The following CAPN13 variants were observed in gnomAD, a reference collection of about 807,000 sequenced individuals.
The protein encoded by CAPN13 is calpain-13.
In CAPN13, 90 loss-of-function variants were observed where a neutral mutation model predicts 98.4. That is an observed-to-expected ratio of 0.92 (90% CI 0.77 to 1.09). The LOEUF is 1.09. Among genes scored for constraint, CAPN13 ranks in the 50% least tolerant of loss-of-function variants. The probability of loss-of-function intolerance (pLI) is 0.00; values close to 1 mark genes in which losing one functional copy is unlikely to be tolerated. For synonymous variants in CAPN13, 330 were observed against 305.5 expected (o/e 1.08, Z -0.84); for missense variants, 887 against 841.3 (o/e 1.05, Z -0.67).
At chr2:30,777,081 T>C (rs1464964945) in intron 3 of CAPN13, among the ~76,000 whole-genome samples, 1 of 152,208 alleles carries the variant, frequency 6.6e-6, no homozygotes, top group Non-Finnish European at 1.5e-5. Flanking sequence ...CCAAGGCTTC[T>C]CTTTCTGAGG....
At chr2:30,759,933 T>C (rs1048805734) in intron 7 of CAPN13, among the ~76,000 whole-genome samples, 2 of 152,242 alleles carry the variant, frequency 1.3e-5, no homozygotes, top group Non-Finnish European at 2.9e-5. Flanking sequence ...TAAGGCTCTT[T>C]TCTGTTGCTT....
chr2:30,751,763 A>G (rs1672185555), intron 10 of CAPN13, among the ~76,000 whole-genome samples: 1 of 152,242 alleles, frequency 6.6e-6, no homozygotes, highest in Non-Finnish European at 1.5e-5. Context: ...GTCAAGATAG[A>G]GATGAATTGA....
chr2:30,766,920 C>T (rs1673142427), intron 5 of CAPN13, among the ~76,000 whole-genome samples: 1 of 152,248 alleles, frequency 6.6e-6, no homozygotes, highest in Non-Finnish European at 1.5e-5. Flanking sequence ...CATGTGTTCA[C>T]TGGGCTGTTG....
At chr2:30,797,589 CT>C (rs1343741427) in intron 1 of CAPN13, among the ~76,000 whole-genome samples, 2 of 152,152 alleles carry the variant, frequency 1.3e-5, no homozygotes, top group Non-Finnish European at 2.9e-5. Context: ...ATAATAAAAG[CT>C]TGTGTCCATT....
chr2:30,734,355 C>T lies in CAPN13; in HGVS notation c.1798+94G>A, dbSNP rs1409766760. 3.2e-6 allele frequency: 3 copies of T among 930,466 alleles called. 1 individual carries two copies. The highest frequency in any genetic ancestry group is 2.8e-5 in the South Asian group (2 of 72,134). 57.6% of individuals were successfully genotyped at this position (930,466 alleles called of 1,614,324 possible). A position where few individuals can be genotyped will look rare whatever the true frequency, so the allele number is the denominator to read the frequency against. On this transcript the variant is annotated intron_variant, in intron 19 of 22. Transcript: ENST00000295055. The stretch of plus-strand genomic sequence containing the variant: ...CTGCAGCGCTCCTCTCTCCTGATTG[C>T]CTGGCACTGTTGTGCCAGCCTTGCT...
chr2:30,742,042 A>G, intron 14 of CAPN13, 78 bp from the exon 15 acceptor site: 2 of 1,302,380 alleles, frequency 1.5e-6, no homozygotes, highest in South Asian at 1.2e-5. Context: ...GGGTGCAACA[A>G]CCCCTGCCAA....
chr2:30,769,832 C>T (rs1231873379), intron 5 of CAPN13, among the ~76,000 whole-genome samples: 2 of 152,122 alleles, frequency 1.3e-5, no homozygotes, highest in Admixed American at 6.5e-5. Context: ...GCCTGGACCA[C>T]CCCTGATGAT....
intron 2 of CAPN13, among the ~76,000 whole-genome samples, chr2:30,785,195 T>TG (rs1350548008): frequency 3.3e-5 from 5 of 152,150 alleles, no homozygotes; most frequent in African/African-American, 9.7e-5. Context: ...CTTAAGTCAG[T>TG]GGGGGGAAAG....
At chr2:30,788,109 G>A (rs551108138) in intron 1 of CAPN13, among the ~76,000 whole-genome samples, 122 of 152,238 alleles carry the variant, frequency 8.0e-4, no homozygotes, top group Non-Finnish European at 1.2e-3. Context: ...AAAAGAAAAC[G>A]AAGAAAAGAT....
chr2:30,759,246 C>T (rs959248192), intron 7 of CAPN13, among the ~76,000 whole-genome samples: 2 of 151,574 alleles, frequency 1.3e-5, no homozygotes, highest in Non-Finnish European at 2.9e-5. Context: ...TCCTTTCCTC[C>T]TTCCTTTCTT....
intron 17 of CAPN13, chr2:30,737,796 T>G (rs1572791174): frequency 5.0e-6 from 1 of 199,626 alleles, no homozygotes. Flanking sequence ...TAGGATAAGG[T>G]TAGAGCATCG....
At chr2:30,750,766 C>A (rs1672132801) in intron 11 of CAPN13, among the ~76,000 whole-genome samples, 2 of 152,242 alleles carry the variant, frequency 1.3e-5, no homozygotes, top group Admixed American at 6.5e-5. Context: ...TTTAGAAGGT[C>A]TGGAGTAAGC....
chr2:30,738,063 G>C, intron 17 of CAPN13, 172 bp downstream of exon 17: 1 of 684,028 alleles, frequency 1.5e-6, no homozygotes, highest in Non-Finnish European at 2.7e-6. Context: ...TATTATCATT[G>C]TTGCTGTGGT....
Position 30,787,079 on chromosome 2 carries a change from C to A in CAPN13, c.198+49G>T. ...TTTTGGCTGGAGGTGCCATGGCAGGCGACTCCGAGGACCCTGGAGCTGGGT... is the reference window on the plus strand; with the variant it reads ...TTTTGGCTGGAGGTGCCATGGCAGGAGACTCCGAGGACCCTGGAGCTGGGT... On this transcript the variant is annotated intron_variant, in intron 2 of 22. Transcript: ENST00000295055. 4 of 1,436,442 alleles carry A rather than the reference C, an allele frequency of 2.8e-6. No homozygotes were observed. In the South Asian group the frequency reaches 4.3e-5, roughly 15 times the overall value. The allele number at this position is 1,436,442 out of a possible 1,614,324, so 89.0% of individuals were successfully genotyped here.
At chr2:30,734,686 C>A (rs1671270298) in intron 18 of CAPN13, among the ~76,000 whole-genome samples, 162 bp from the exon 19 acceptor site, 1 of 152,208 alleles carries the variant, frequency 6.6e-6, no homozygotes, top group South Asian at 2.1e-4. Flanking sequence ...ACTGACCATC[C>A]TGGCTGCCCG....
At chr2:30,755,297 G>T (rs185865779) in intron 8 of CAPN13, among the ~76,000 whole-genome samples, 472 of 152,054 alleles carry the variant, frequency 3.1e-3, no homozygotes, top group African/African-American at 0.011. Flanking sequence ...AGCTTCCATA[G>T]CCCACTGTGT....
At chr2:30,748,204 C>A (rs981027256) in intron 11 of CAPN13, among the ~76,000 whole-genome samples, 1 of 152,200 alleles carries the variant, frequency 6.6e-6, no homozygotes, top group African/African-American at 2.4e-5. Context: ...CCTGGCTGGG[C>A]AGACCAGGGG....
chr2:30,763,981 G>T, intron 6 of CAPN13, 151 bp downstream of exon 6: 1 of 724,658 alleles, frequency 1.4e-6, no homozygotes, highest in East Asian at 2.7e-5. Context: ...GCTACTGCAG[G>T]GTTCAATGGG....
At chr2:30,742,432 C>G (rs1671710486) in intron 13 of CAPN13, 73 bp from the exon 14 acceptor site, 1 of 1,516,684 alleles carries the variant, frequency 6.6e-7, no homozygotes, top group South Asian at 1.2e-5. Context: ...ATAGAGGGCA[C>G]CCAGGTGGCA....
Sources: gnomAD v4.1 joint callset for allele counts (sites outside exome capture counted in the v4.1 genomes callset) on GRCh38, gnomAD v4.1.1 for gene constraint, MANE v1.5 for transcripts, NCBI Gene and HGNC (gene_info 2026-07-23, HGNC 2026-07-21) for gene names.